The following SHROOM2 variants were observed in gnomAD, a reference collection of about 807,000 sequenced individuals.
SHROOM2 encodes shroom family member 2, also known as protein Shroom2.
In SHROOM2, 33 loss-of-function variants were observed where a neutral mutation model predicts 75.9. The ratio of observed to expected loss-of-function variants is 0.43; its 90% CI spans 0.33 to 0.58. The LOEUF (loss-of-function observed/expected upper bound fraction) is 0.58, where lower values mean the gene tolerates loss of function less well. SHROOM2 is among the 20% of genes least tolerant of loss of function. The probability of loss-of-function intolerance (pLI) is 0.04; values close to 1 mark genes in which losing one functional copy is unlikely to be tolerated. For missense variants in SHROOM2, 1,434 were observed against 1,461.2 expected (o/e 0.98, Z 0.30); for synonymous variants, 655 against 663.6 (o/e 0.99, Z 0.20).
At position 9,924,820 on chromosome X, in the gene SHROOM2, T is replaced by C. The variant is rs1162659326; in HGVS notation, c.2892-7355T>C. 2.7e-5 allele frequency among the ~76,000 whole-genome samples: 3 copies of C among 111,099 alleles called. No individual in the cohort carries two copies. The Admixed American group carries it at 2.9e-4, about 11-fold the overall frequency. On this transcript the variant is annotated intron_variant, in intron 5 of 9. Coordinates refer to ENST00000380913, the MANE Select transcript of SHROOM2 (RefSeq NM_001649.4). The stretch of plus-strand genomic sequence containing the variant: ...GCAGGCATGCATCACCATACCTGGC[T>C]AATTTTTAATTTTTTTTTTATTTTT...
intron 1 of SHROOM2, among the ~76,000 whole-genome samples, chrX:9,846,673 C>T (rs987768697): frequency 8.9e-6 from 1 of 112,232 alleles, no homozygotes; most frequent in African/African-American, 3.2e-5. Flanking sequence ...CAGGCATGAG[C>T]CACTGCCTCC....
intron 1 of SHROOM2, among the ~76,000 whole-genome samples, chrX:9,870,780 A>C (rs913410535): frequency 3.6e-5 from 4 of 112,325 alleles, no homozygotes; most frequent in Non-Finnish European, 7.5e-5. Context: ...GTTTCAGCTA[A>C]AAATTATGAG....
chrX:9,873,373 A>C (rs2084181287), intron 1 of SHROOM2, among the ~76,000 whole-genome samples: 2 of 112,821 alleles, frequency 1.8e-5, no homozygotes, highest in Admixed American at 9.3e-5. Context: ...GTCTGGTTAA[A>C]GGAGATCTAG....
intron 5 of SHROOM2, among the ~76,000 whole-genome samples, chrX:9,923,628 C>T (rs2084567779): frequency 8.9e-6 from 1 of 111,926 alleles, no homozygotes; most frequent in African/African-American, 3.2e-5. Flanking sequence ...GAGCCCAGCT[C>T]CCAGGGCTCA....
intron 1 of SHROOM2, among the ~76,000 whole-genome samples, chrX:9,840,375 C>A (rs2083973275): frequency 9.0e-6 from 1 of 111,621 alleles, no homozygotes; most frequent in Non-Finnish European, 1.9e-5. Context: ...TCAAGCAATT[C>A]TCCCACCTCA....
In SHROOM2 at chrX:9,947,274, G is replaced by C. The variant is rs760373416; in HGVS notation, c.*337G>C. 3 of 241,133 alleles carry C rather than the reference G, an allele frequency of 1.2e-5. No homozygotes were observed. The highest frequency in any genetic ancestry group is 1.3e-3 in the Middle Eastern group (1 of 753). 19.9% of individuals were successfully genotyped at this position (241,133 alleles called of 1,213,427 possible). ...CAGTGGGAAACCCGTTGTTCCTCCC[G>C]TCTTCAGATGCTGAGCCAACTGCTT... On this transcript the variant is annotated 3_prime_UTR_variant, in exon 10 of 10. Coordinates refer to ENST00000380913, the MANE Select transcript of SHROOM2 (RefSeq NM_001649.4).
At chrX:9,851,705 G>A (rs1209846177) in intron 1 of SHROOM2, among the ~76,000 whole-genome samples, 1 of 107,147 alleles carries the variant, frequency 9.3e-6, no homozygotes, top group African/African-American at 3.4e-5. Flanking sequence ...GTCTCCAGTG[G>A]TCCTTCTGCC....
intron 1 of SHROOM2, among the ~76,000 whole-genome samples, chrX:9,813,932 A>G (rs1277795433): frequency 8.9e-6 from 1 of 112,087 alleles, no homozygotes; most frequent in Admixed American, 9.5e-5. Context: ...AATTATTCCC[A>G]TCATATTTAA....
chrX:9,835,264 T>C (rs1380019527), intron 1 of SHROOM2, among the ~76,000 whole-genome samples: 1 of 112,241 alleles, frequency 8.9e-6, no homozygotes, highest in African/African-American at 3.2e-5. Flanking sequence ...AAAGGGCCAG[T>C]TGAATATATG....
chrX:9,819,869 C>T (rs976424198), intron 1 of SHROOM2, among the ~76,000 whole-genome samples: 10 of 106,869 alleles, frequency 9.4e-5, no homozygotes, highest in African/African-American at 3.1e-4. Flanking sequence ...TCTTGGCTCA[C>T]TGCAACTTCC....
At chrX:9,940,048 G>T (rs1054358703) in intron 8 of SHROOM2, among the ~76,000 whole-genome samples, 4 of 112,270 alleles carry the variant, frequency 3.6e-5, no homozygotes, top group African/African-American at 1.3e-4. Context: ...CCAAAGTGCT[G>T]GGATTACAGG....
chrX:9,801,208 T>C (rs984644402), intron 1 of SHROOM2, among the ~76,000 whole-genome samples: 2 of 111,806 alleles, frequency 1.8e-5, no homozygotes, highest in Non-Finnish European at 3.8e-5. Flanking sequence ...TCATGAGACT[T>C]ATTCACTACC....
In SHROOM2 at chrX:9,786,722, G is replaced by T; in HGVS notation, c.165+12G>T. ...TGGTCATCACCAAGGTAAGGCGGCC[G>T]CGGGGCGCGGGCGCTGACAGCCGGG... On this transcript the variant is annotated intron_variant, in intron 1 of 9. Coordinates refer to ENST00000380913, the MANE Select transcript of SHROOM2 (RefSeq NM_001649.4). The T allele has an allele frequency of 3.4e-6, 3 of 880,070 alleles. No individual in the cohort carries two copies. Among genetic ancestry groups the T allele is most frequent in the Non-Finnish European group, 4.2e-6 (3 of 718,502 alleles). 72.5% of individuals were successfully genotyped at this position (880,070 alleles called of 1,213,427 possible). A position where few individuals can be genotyped will look rare whatever the true frequency, so the allele number is the denominator to read the frequency against.
At chrX:9,834,819 G>A (rs766742387) in intron 1 of SHROOM2, among the ~76,000 whole-genome samples, 2 of 111,903 alleles carry the variant, frequency 1.8e-5, no homozygotes, top group Admixed American at 9.4e-5. Flanking sequence ...AGCTGAGCCA[G>A]GTAGAGAGGG....
chrX:9,909,150 G>A (rs1466785112), intron 5 of SHROOM2, among the ~76,000 whole-genome samples: 1 of 109,804 alleles, frequency 9.1e-6, no homozygotes, highest in African/African-American at 3.3e-5. Flanking sequence ...GAAAATAAGC[G>A]CTCAAATACA....
chrX:9,904,691 G>C (rs763584681), intron 5 of SHROOM2, among the ~76,000 whole-genome samples: 33 of 112,200 alleles, frequency 2.9e-4, no homozygotes, highest in African/African-American at 1.0e-3. Context: ...CGCATGTTAC[G>C]GGATCCTTTG....
At chrX:9,936,214 C>A (rs2084704223) in intron 6 of SHROOM2, among the ~76,000 whole-genome samples, 1 of 110,329 alleles carries the variant, frequency 9.1e-6, no homozygotes, top group Non-Finnish European at 1.9e-5. Flanking sequence ...CAGGTTCAAG[C>A]GATTCTCATG....
At chrX:9,866,375 T>C (rs1221183924) in intron 1 of SHROOM2, among the ~76,000 whole-genome samples, 4 of 110,254 alleles carry the variant, frequency 3.6e-5, no homozygotes, top group African/African-American at 1.3e-4. Flanking sequence ...GTGGTCAGAA[T>C]TGATCAATTG....
intron 1 of SHROOM2, among the ~76,000 whole-genome samples, chrX:9,850,046 C>T (rs978308960): frequency 3.6e-5 from 4 of 111,530 alleles, no homozygotes; most frequent in Non-Finnish European, 5.7e-5. Flanking sequence ...AACACTGCTG[C>T]ACCTGAGCGG....
Sources: gnomAD v4.1 joint callset for allele counts (sites outside exome capture counted in the v4.1 genomes callset) on GRCh38, gnomAD v4.1.1 for gene constraint, MANE v1.5 for transcripts, NCBI Gene and HGNC (gene_info 2026-07-23, HGNC 2026-07-21) for gene names.